Variants in TAFA2 observed in about 807,000 individuals in gnomAD.
TAFA2 encodes the protein TAFA chemokine like family member 2.
TAFA2 carries 7 observed loss-of-function variants against 18.8 expected under a neutral mutation model. That is an observed-to-expected ratio of 0.37 (90% confidence interval 0.21 to 0.70). The LOEUF (loss-of-function observed/expected upper bound fraction) is 0.70, where lower values mean the gene tolerates loss of function less well. TAFA2 is among the 30% of genes least tolerant of loss of function. The pLI is 0.53. For synonymous variants in TAFA2, 60 were observed against 54.2 expected (o/e 1.11, Z -0.47); for missense variants, 122 against 158.1 (o/e 0.77, Z 1.23).
intron 1 of TAFA2, among the ~76,000 whole-genome samples, chr12:62,106,186 T>A (rs1048096336): frequency 1.8e-4 from 26 of 147,372 alleles, no homozygotes; most frequent in African/African-American, 6.1e-4. Flanking sequence ...TAAAAAAAAA[T>A]AGCCGGGTGT....
At chr12:61,872,686 T>C (rs1874667827) in intron 1 of TAFA2, among the ~76,000 whole-genome samples, 1 of 152,134 alleles carries the variant, frequency 6.6e-6, no homozygotes, top group African/African-American at 2.4e-5. Context: ...TCAAGCACAC[T>C]GGCTCTCCCA....
chr12:62,153,701 T>C (rs2062346053), intron 1 of TAFA2, among the ~76,000 whole-genome samples: 1 of 151,028 alleles, frequency 6.6e-6, no homozygotes, highest in Admixed American at 6.6e-5. Context: ...TTGTGTGCTA[T>C]AAATAAAGCA....
At chr12:61,991,583 T>C (rs1245801705) in intron 1 of TAFA2, among the ~76,000 whole-genome samples, 5 of 152,234 alleles carry the variant, frequency 3.3e-5, no homozygotes, top group Non-Finnish European at 7.3e-5. Context: ...TAAGTCAATT[T>C]ATCCCTCTGT....
chr12:61,903,341 C>T (rs1876198989), intron 1 of TAFA2, among the ~76,000 whole-genome samples: 1 of 152,194 alleles, frequency 6.6e-6, no homozygotes, highest in Non-Finnish European at 1.5e-5. Context: ...CATTACACTG[C>T]TCATTCTTCA....
intron 1 of TAFA2, among the ~76,000 whole-genome samples, chr12:62,112,983 T>C (rs1429603393): frequency 6.6e-6 from 1 of 152,116 alleles, no homozygotes; most frequent in Admixed American, 6.6e-5. Context: ...CCTACTTCTG[T>C]CAATTTGTCA....
intron 1 of TAFA2, among the ~76,000 whole-genome samples, chr12:62,124,131 T>C (rs562687010): frequency 5.8e-4 from 88 of 152,162 alleles, no homozygotes; most frequent in African/African-American, 2.0e-3. Flanking sequence ...AGAAGAATGG[T>C]AGAATTCATC....
chr12:62,191,499 A>T lies in TAFA2; in HGVS notation c.-242T>A, dbSNP rs1242545735. On this transcript the variant is annotated 5_prime_UTR_variant, in exon 1 of 5. Coordinates refer to ENST00000416284, the MANE Select transcript of TAFA2 (RefSeq NM_178539.5). ...TGTGTTTCCTCCTCCGATGGCAAAG[A>T]CGGTTCAGGAATCTGACATCCAAGC... is the stretch of plus-strand genomic sequence containing the variant. The T allele has an allele frequency of 6.6e-6, 1 of 152,376 alleles. No individual in the cohort carries two copies. Among genetic ancestry groups the T allele is most frequent in the African/African-American group, 2.4e-5 (1 of 41,438 alleles). The allele number at this position is 152,376 out of a possible 1,614,324, so 9.4% of individuals were successfully genotyped here.
chr12:61,969,905 T>G (rs999823668), intron 1 of TAFA2, among the ~76,000 whole-genome samples: 3 of 151,574 alleles, frequency 2.0e-5, no homozygotes, highest in African/African-American at 7.3e-5. Flanking sequence ...TTGGAGAATG[T>G]CAAGAGATCC....
intron 4 of TAFA2, among the ~76,000 whole-genome samples, chr12:61,752,572 G>A (rs777943145): frequency 6.6e-6 from 1 of 151,962 alleles, no homozygotes; most frequent in Non-Finnish European, 1.5e-5. Flanking sequence ...GTGACACTTA[G>A]CTAACAGGTT....
chr12:61,943,701 CAAAG>C (rs1461702831), intron 1 of TAFA2, among the ~76,000 whole-genome samples: 1 of 151,842 alleles, frequency 6.6e-6, no homozygotes, highest in Non-Finnish European at 1.5e-5. Context: ...TCAGAAGAGA[CAAAG>C]AAGGCCATTA....
chr12:61,855,963 A>G lies in TAFA2; in HGVS notation c.106+11357T>C, dbSNP rs117586131. On this transcript the variant is annotated intron_variant, in intron 2 of 4. Coordinates refer to ENST00000416284, the MANE Select transcript of TAFA2 (RefSeq NM_178539.5). Reference sequence around the variant, plus strand: ...AGATTTTATTAGAAAGTGGAAACCTAAGTTTGAAAGGTTTCACTCAATATT... The same window carrying G: ...AGATTTTATTAGAAAGTGGAAACCTGAGTTTGAAAGGTTTCACTCAATATT... 2.0e-3 allele frequency among the ~76,000 whole-genome samples: 305 copies of G among 152,244 alleles called. 1 individual carries two copies. Among genetic ancestry groups the G allele is most frequent in the Non-Finnish European group, 3.7e-3 (249 of 67,952 alleles).
At position 62,010,304 on chromosome 12, in the gene TAFA2, C is replaced by T. The variant is rs181380940; in HGVS notation, c.-1-142878G>A. On this transcript the variant is annotated intron_variant, in intron 1 of 4. Coordinates refer to ENST00000416284, the MANE Select transcript of TAFA2 (RefSeq NM_178539.5). ...TCCTGCCTTGGCCTGGGTTTGCCAG[C>T]GCGCCGCCATGCCTGACTGGTTTTT... Among the ~76,000 whole-genome samples, 506 of 152,166 alleles carry T rather than the reference C, an allele frequency of 3.3e-3. 1 individual carries two copies. The highest frequency in any genetic ancestry group is 0.011 in the African/African-American group (474 of 41,512).
chr12:61,754,831 C>G (rs369324865), intron 3 of TAFA2, 41 bp downstream of exon 3: 3 of 1,604,512 alleles, frequency 1.9e-6, no homozygotes, highest in Non-Finnish European at 2.6e-6. Context: ...CTAAGCCATC[C>G]TTGGCTGTGC....
intron 1 of TAFA2, among the ~76,000 whole-genome samples, chr12:61,997,189 G>GTA (rs1880222368): frequency 6.6e-6 from 1 of 151,112 alleles, no homozygotes; most frequent in African/African-American, 2.4e-5. Context: ...GTGTGTGTGT[G>GTA]TGTATATATA....
At chr12:62,146,696 T>C (rs1003587968) in intron 1 of TAFA2, among the ~76,000 whole-genome samples, 3 of 152,102 alleles carry the variant, frequency 2.0e-5, no homozygotes, top group Admixed American at 6.6e-5. Context: ...AAAAGTGCCA[T>C]GCAACATCCT....
chr12:61,832,616 G>T (rs1315529356), intron 2 of TAFA2, among the ~76,000 whole-genome samples: 1 of 152,056 alleles, frequency 6.6e-6, no homozygotes, highest in African/African-American at 2.4e-5. Flanking sequence ...GGTTTGTAAT[G>T]CAGGAATGTT....
intron 1 of TAFA2, among the ~76,000 whole-genome samples, chr12:61,942,196 G>C (rs1243867207): frequency 2.1e-5 from 3 of 145,104 alleles, no homozygotes; most frequent in Admixed American, 6.8e-5. Flanking sequence ...GGGGCACACT[G>C]ACACCTCACA....
intron 4 of TAFA2, among the ~76,000 whole-genome samples, chr12:61,745,008 C>T (rs566713988): frequency 1.2e-4 from 18 of 151,858 alleles, no homozygotes; most frequent in Non-Finnish European, 2.1e-4. Flanking sequence ...CTACATGCTC[C>T]CTTAAGTGTT....
intron 1 of TAFA2, among the ~76,000 whole-genome samples, chr12:62,089,034 A>C (rs760061386): frequency 3.3e-5 from 5 of 152,120 alleles, no homozygotes; most frequent in Non-Finnish European, 7.4e-5. Flanking sequence ...GCAATGAAAA[A>C]AATCCTCTGA....
Sources: allele counts gnomAD v4.1 joint callset (sites outside exome capture counted in the v4.1 genomes callset), GRCh38; gene constraint gnomAD v4.1.1; transcripts MANE v1.5; gene names NCBI Gene and HGNC (gene_info 2026-07-23, HGNC 2026-07-21).